Variants in MID2 observed in about 807,000 individuals in gnomAD.
MID2 encodes the protein probable E3 ubiquitin-protein ligase MID2.
MID2 carries 13 observed loss-of-function variants against 46.1 expected under a neutral mutation model. That is an observed-to-expected ratio of 0.28 (90% CI 0.18 to 0.45). The LOEUF (loss-of-function observed/expected upper bound fraction) is 0.45, where lower values mean the gene tolerates loss of function less well. Ranked by LOEUF, MID2 falls within the 20% of genes least tolerant of loss-of-function variation. The pLI is 1.00. For synonymous variants in MID2, 199 were observed against 212.3 expected (o/e 0.94, Z 0.55); for missense variants, 431 against 575.4 (o/e 0.75, Z 2.57).
rs1410282800 is a variant in MID2 at position 107,927,799 on chromosome X, G to A, written c.*726G>A. 9.0e-6 allele frequency among the ~76,000 whole-genome samples: 1 copy of A among 111,363 alleles called. No homozygotes were observed. The highest frequency in any genetic ancestry group is 1.9e-5 in the Non-Finnish European group (1 of 52,991). Reference sequence around the variant, plus strand: ...ACACCATCCATTTTTGTCCCCTAAAGGAAACATCAAAATCAATCAACATTT... The same window carrying A: ...ACACCATCCATTTTTGTCCCCTAAAAGAAACATCAAAATCAATCAACATTT... On this transcript the variant is annotated 3_prime_UTR_variant, in exon 10 of 10. Transcript: ENST00000262843.
At chrX:107,886,192 T>C (rs1484969150) in intron 3 of MID2, among the ~76,000 whole-genome samples, 2 of 112,203 alleles carry the variant, frequency 1.8e-5, no homozygotes, top group African/African-American at 6.5e-5. Context: ...CATGAAGTCC[T>C]TGCCCATGCC....
chrX:107,872,146 C>T (rs919280714), intron 3 of MID2, among the ~76,000 whole-genome samples: 1 of 111,620 alleles, frequency 9.0e-6, no homozygotes, highest in Non-Finnish European at 1.9e-5. Flanking sequence ...GAACAGCAGT[C>T]AGATTCCTCC....
chrX:107,837,656 A>G (rs1040207741), intron 1 of MID2, among the ~76,000 whole-genome samples: 1 of 110,386 alleles, frequency 9.1e-6, no homozygotes, highest in Non-Finnish European at 1.9e-5. Flanking sequence ...AGGAGGTGAG[A>G]TGATTGAAAT....
chrX:107,831,657 A>G (rs1010985297), intron 1 of MID2, among the ~76,000 whole-genome samples: 1 of 111,886 alleles, frequency 8.9e-6, no homozygotes, highest in Non-Finnish European at 1.9e-5. Flanking sequence ...CTCTCAGCCT[A>G]ACATTCAATA....
chrX:107,884,683 C>CA (rs202069538), intron 3 of MID2, among the ~76,000 whole-genome samples: 2,091 of 107,780 alleles, frequency 0.019, 51 homozygotes, highest in African/African-American at 0.064. Context: ...ACAAAGAGAC[C>CA]AAAAACAAAA....
At chrX:107,881,320 C>A (rs1202294599) in intron 3 of MID2, among the ~76,000 whole-genome samples, 1 of 112,330 alleles carries the variant, frequency 8.9e-6, no homozygotes, top group Non-Finnish European at 1.9e-5. Flanking sequence ...GACTGTTGAA[C>A]TTTTGAGGTT....
At chrX:107,910,838 C>CTCTCCT (rs761216078) in intron 5 of MID2, among the ~76,000 whole-genome samples, 2 of 42,082 alleles carry the variant, frequency 4.8e-5, no homozygotes, top group Non-Finnish European at 3.4e-5. Context: ...CTTTCCTTTC[C>CTCTCCT]CTCTCTCTTT....
intron 9 of MID2, 151 bp downstream of exon 9, chrX:107,926,452 T>A: frequency 1.6e-6 from 1 of 627,245 alleles, no homozygotes; most frequent in East Asian, 3.6e-5. Flanking sequence ...AGCTTTTTAA[T>A]AAAATAATGG....
intron 3 of MID2, chrX:107,895,288 A>G (rs978392224): frequency 3.6e-5 from 4 of 110,057 alleles, no homozygotes; most frequent in African/African-American, 6.6e-5. Flanking sequence ...TAATTAGGAC[A>G]TTATTGTTTT....
At chrX:107,873,625 T>TTC (rs1411259810) in intron 3 of MID2, among the ~76,000 whole-genome samples, 3 of 111,971 alleles carry the variant, frequency 2.7e-5, no homozygotes, top group Non-Finnish European at 5.6e-5. Flanking sequence ...TAGATTATAT[T>TTC]TCTCTTAAGG....
intron 1 of MID2, among the ~76,000 whole-genome samples, chrX:107,828,852 T>A (rs1049363588): frequency 3.6e-5 from 4 of 112,269 alleles, no homozygotes; most frequent in Admixed American, 1.9e-4. Flanking sequence ...CCTTTGAAGA[T>A]GAAAGGGTTC....
intron 3 of MID2, among the ~76,000 whole-genome samples, chrX:107,882,211 G>A (rs1602482980): frequency 8.9e-6 from 1 of 111,985 alleles, no homozygotes; most frequent in African/African-American, 3.2e-5. Context: ...AATTCAAGAT[G>A]GATTAAAGAC....
chrX:107,917,416 G>T (rs948233918), intron 6 of MID2, 90 bp from the exon 7 acceptor site: 2 of 703,179 alleles, frequency 2.8e-6, no homozygotes, highest in Non-Finnish European at 4.4e-6. Context: ...CTCTTCAAGA[G>T]ATGTTGGGTT....
chrX:107,906,306 C>G (rs1932835034), intron 5 of MID2, among the ~76,000 whole-genome samples: 1 of 111,307 alleles, frequency 9.0e-6, no homozygotes, highest in African/African-American at 3.3e-5. Flanking sequence ...CATTGAAGAC[C>G]TTGGCTCCAG....
chrX:107,846,401 G>T (rs1931479922), intron 2 of MID2, among the ~76,000 whole-genome samples: 1 of 110,966 alleles, frequency 9.0e-6, no homozygotes, highest in African/African-American at 3.3e-5. Context: ...ACATGTGTGT[G>T]TGGGGTTGGG....
chrX:107,854,539 T>C, intron 2 of MID2, 70 bp from the exon 3 acceptor site: 1 of 780,381 alleles, frequency 1.3e-6, no homozygotes. Context: ...TGACATTGGT[T>C]CTCAAGCTCA....
At chrX:107,917,320 A>C (rs1425047607) in intron 6 of MID2, among the ~76,000 whole-genome samples, 186 bp from the exon 7 acceptor site, 1 of 111,808 alleles carries the variant, frequency 8.9e-6, no homozygotes, top group African/African-American at 3.3e-5. Context: ...TGATGTAGCA[A>C]AAGTGGTTTT....
intron 3 of MID2, among the ~76,000 whole-genome samples, chrX:107,902,644 C>T (rs1932803857): frequency 9.0e-6 from 1 of 111,600 alleles, no homozygotes; most frequent in Non-Finnish European, 1.9e-5. Flanking sequence ...AATTAGCCAT[C>T]AGTGAGCTTC....
chrX:107,892,732 C>T (rs370619652), intron 3 of MID2, among the ~76,000 whole-genome samples: 1 of 111,986 alleles, frequency 8.9e-6, no homozygotes, highest in East Asian at 2.8e-4. Flanking sequence ...TGAATCTCCC[C>T]TTCCTCTAGC....
Sources: allele counts gnomAD v4.1 joint callset (sites outside exome capture counted in the v4.1 genomes callset), GRCh38; gene constraint gnomAD v4.1.1; transcripts MANE v1.5; gene names NCBI Gene and HGNC (gene_info 2026-07-23, HGNC 2026-07-21).